ZC3HAV1: variants seen among roughly 807,000 people sequenced by gnomAD.
ZC3HAV1 encodes zinc finger CCCH-type antiviral protein 1.
In ZC3HAV1, 41 loss-of-function variants were observed where a neutral mutation model predicts 86.6. The ratio of observed to expected loss-of-function variants is 0.47; its 90% CI spans 0.37 to 0.61. The LOEUF (loss-of-function observed/expected upper bound fraction) is 0.61. Among genes scored for constraint, ZC3HAV1 ranks in the 20% least tolerant of loss-of-function variants. The pLI, the probability that ZC3HAV1 is intolerant of heterozygous loss-of-function variation, is 0.00. For synonymous variants in ZC3HAV1, 421 were observed against 432.1 expected, an observed-to-expected ratio of 0.97 and a Z score of 0.32; for missense variants, 964 against 1,141.1, an observed-to-expected ratio of 0.84 and a Z score of 2.24.
rs1173133981 is a variant in ZC3HAV1, at chr7:139,046,067, CTT to C, written c.*1525_*1526del. On this transcript the variant is annotated 3_prime_UTR_variant, in exon 13 of 13. Coordinates refer to ENST00000242351, the MANE Select transcript of ZC3HAV1 (RefSeq NM_020119.4). ...TGCTAAAAGAAATTATAACAGGAAA[CTT>C]TGGTGACTGGTAAGGAATGTTGAAA... 3 of 151,786 alleles carry C rather than the reference CTT, an allele frequency of 2.0e-5. No individual in the cohort carries two copies. The highest frequency in any genetic ancestry group is 2.0e-4 in the Admixed American group (3 of 15,228). 9.4% of individuals were successfully genotyped at this position (151,786 alleles called of 1,614,324 possible). A position where few individuals can be genotyped will look rare whatever the true frequency, so the allele number is the denominator to read the frequency against.
chr7:139,068,756 T>G (rs574821149), intron 7 of ZC3HAV1, among the ~76,000 whole-genome samples: 1 of 152,146 alleles, frequency 6.6e-6, no homozygotes, highest in South Asian at 2.1e-4. Context: ...TGAACCCCGG[T>G]AGGTGGTGAA....
At chr7:139,102,099 A>G (rs1031618843) in intron 1 of ZC3HAV1, among the ~76,000 whole-genome samples, 2 of 152,162 alleles carry the variant, frequency 1.3e-5, no homozygotes, top group African/African-American at 2.4e-5. Context: ...TTCAAAGCAT[A>G]ATGGTTTAAT....
chr7:139,084,411 T>C lies in ZC3HAV1; in HGVS notation c.445-379A>G, dbSNP rs7796858. 9.3e-3 allele frequency among the ~76,000 whole-genome samples: 1,423 copies of C among 152,392 alleles called. 31 individuals are homozygous for C. The highest frequency in any genetic ancestry group is 0.032 in the African/African-American group (1,339 of 41,596). On this transcript the variant is annotated intron_variant, in intron 2 of 12. Coordinates refer to ENST00000242351, the MANE Select transcript of ZC3HAV1 (RefSeq NM_020119.4). Reference sequence around the variant, plus strand: ...ACATGTGGGTCTTACCTGCAACTGTTTGGAAATCCAAAATTTAGACTCTGC... The same window carrying C: ...ACATGTGGGTCTTACCTGCAACTGTCTGGAAATCCAAAATTTAGACTCTGC...
chr7:139,105,369 A>G (rs1817905727), intron 1 of ZC3HAV1, among the ~76,000 whole-genome samples: 1 of 152,240 alleles, frequency 6.6e-6, no homozygotes, highest in African/African-American at 2.4e-5. Context: ...GAGCTATCCT[A>G]AAGACTAACC....
At position 139,079,308 on chromosome 7, in the gene ZC3HAV1, C is replaced by T. The variant is rs757342771; in HGVS notation, c.1471+162G>A. 8.4e-6 allele frequency: 13 copies of T among 1,539,650 alleles called. No homozygotes were observed. The African/African-American group carries it at 1.6e-4, about 19-fold the overall frequency. ...ACCAGGTTCCTCAGACTCTGACTTC[C>T]AGTACGTAACATATCTTTTTCTGCC... On this transcript the variant is annotated intron_variant, in intron 4 of 12. Transcript: ENST00000242351.
rs368024178 is a variant in ZC3HAV1, at chr7:139,053,428, C to T, written c.2449+23G>A. On this transcript the variant is annotated intron_variant, in intron 12 of 12. Coordinates refer to ENST00000242351, the MANE Select transcript of ZC3HAV1 (RefSeq NM_020119.4). ...GCCCGAGTTATGACTCTACTAGTTA[C>T]GCTTCTCTATCCCGGCACTAACCTT... 166 of 1,552,612 alleles carry T rather than the reference C, an allele frequency of 1.1e-4. No individual in the cohort carries two copies. In the Middle Eastern group the frequency reaches 2.4e-3, roughly 23 times the overall value.
At chr7:139,102,097 A>G (rs540037705) in intron 1 of ZC3HAV1, among the ~76,000 whole-genome samples, 1 of 152,262 alleles carries the variant, frequency 6.6e-6, no homozygotes, top group East Asian at 1.9e-4. Context: ...TGTTCAAAGC[A>G]TAATGGTTTA....
chr7:139,107,103 A>G (rs1235646301), intron 1 of ZC3HAV1, among the ~76,000 whole-genome samples: 2 of 152,232 alleles, frequency 1.3e-5, no homozygotes, highest in Non-Finnish European at 2.9e-5. Context: ...CAGAAAAAAC[A>G]TAACAAAGCC....
chr7:139,067,565 CAGGTTGGG>C (rs1400355985), intron 7 of ZC3HAV1, among the ~76,000 whole-genome samples: 1 of 152,066 alleles, frequency 6.6e-6, no homozygotes, highest in African/African-American at 2.4e-5. Flanking sequence ...AAGGATAGGG[CAGGTTGGG>C]AGGGGAGTAG....
intron 7 of ZC3HAV1, among the ~76,000 whole-genome samples, chr7:139,071,442 G>A (rs1308802704): frequency 6.6e-6 from 1 of 152,094 alleles, no homozygotes; most frequent in Non-Finnish European, 1.5e-5. Context: ...ATGTTTGTTT[G>A]CCAACCCTTC....
chr7:139,076,023 T>C (rs1176941058), intron 6 of ZC3HAV1, among the ~76,000 whole-genome samples: 1 of 152,208 alleles, frequency 6.6e-6, no homozygotes, highest in East Asian at 1.9e-4. Context: ...AATAATCATG[T>C]CACTGTTTGT....
Position 139,045,872 on chromosome 7 carries a change from C to A in ZC3HAV1, c.*1722G>T, listed in dbSNP as rs1815939365. On this transcript the variant is annotated 3_prime_UTR_variant, in exon 13 of 13. Transcript: ENST00000242351. ...AGAATAAGCATTTGTAGTAACTCTC[C>A]CAGAAAATAACTCTACTCTAAAAAA... The A allele has an allele frequency of 6.7e-6, 1 of 149,728 alleles. No individual in the cohort carries two copies. The highest frequency in any genetic ancestry group is 2.5e-5 in the African/African-American group (1 of 40,546). 9.3% of individuals were successfully genotyped at this position (149,728 alleles called of 1,614,324 possible).
rs1276698582 is a variant in ZC3HAV1 at position 139,045,715 on chromosome 7, G to C, written c.*1879C>G. On this transcript the variant is annotated 3_prime_UTR_variant, in exon 13 of 13. Transcript: ENST00000242351. ...GACATATTGAATCAAAGATGCCTGT[G>C]AAATATCCAGCTAGTGGTGTCTAAT... The C allele has an allele frequency of 6.6e-6, 1 of 152,022 alleles. No individual in the cohort carries two copies. Among genetic ancestry groups the C allele is most frequent in the Non-Finnish European group, 1.5e-5 (1 of 68,042 alleles). The allele number at this position is 152,022 out of a possible 1,614,324, so 9.4% of individuals were successfully genotyped here.
chr7:139,083,701 T>TC, intron 3 of ZC3HAV1, 79 bp downstream of exon 3: 2 of 1,468,214 alleles, frequency 1.4e-6, no homozygotes, highest in South Asian at 1.4e-5. Flanking sequence ...TACTCCAGCT[T>TC]GGGTGACAGA....
chr7:139,065,198 T>C (rs1816562621), intron 7 of ZC3HAV1, among the ~76,000 whole-genome samples, 199 bp from the exon 8 acceptor site: 1 of 152,204 alleles, frequency 6.6e-6, no homozygotes, highest in Non-Finnish European at 1.5e-5. Context: ...GAGAGAAGTC[T>C]ATCCTGCAGA....
At chr7:139,074,603 A>C (rs1443059003) in intron 6 of ZC3HAV1, among the ~76,000 whole-genome samples, 1 of 151,766 alleles carries the variant, frequency 6.6e-6, no homozygotes, top group Non-Finnish European at 1.5e-5. Flanking sequence ...AAAAATATAA[A>C]ACTCCTCTCA....
rs113790403 is a variant in ZC3HAV1, at chr7:139,095,456, A to G, written c.309-5697T>C. On this transcript the variant is annotated intron_variant, in intron 1 of 12. Coordinates refer to ENST00000242351, the MANE Select transcript of ZC3HAV1 (RefSeq NM_020119.4). ...AAAAAATGAGCTTCCTTTAACCACAACTGTATTACCCAGAACACAGCAGGC... is the reference window on the plus strand; with the variant it reads ...AAAAAATGAGCTTCCTTTAACCACAGCTGTATTACCCAGAACACAGCAGGC... Among the ~76,000 whole-genome samples the G allele has an allele frequency of 1.7e-3, 260 of 152,232 alleles. 3 individuals carry two copies. Among genetic ancestry groups the G allele is most frequent in the African/African-American group, 5.8e-3 (239 of 41,534 alleles).
chr7:139,099,685 G>A (rs893517986), intron 1 of ZC3HAV1, among the ~76,000 whole-genome samples: 2 of 152,128 alleles, frequency 1.3e-5, no homozygotes, highest in East Asian at 1.9e-4. Context: ...GTTTTACTTC[G>A]GGAGGCCCAG....
At chr7:139,068,027 A>ATTG (rs1217402833) in intron 7 of ZC3HAV1, among the ~76,000 whole-genome samples, 1 of 48,116 alleles carries the variant, frequency 2.1e-5, no homozygotes, top group Non-Finnish European at 3.7e-5. Flanking sequence ...TTCTTTCTTT[A>ATTG]TTATTATTAT....
Sources: allele counts gnomAD v4.1 joint callset (sites outside exome capture counted in the v4.1 genomes callset), GRCh38; gene constraint gnomAD v4.1.1; transcripts MANE v1.5; gene names NCBI Gene and HGNC (gene_info 2026-07-23, HGNC 2026-07-21).